The following DNM3 variants were observed in gnomAD, a reference collection of about 807,000 sequenced individuals.
The protein encoded by DNM3 is dynamin-3.
A neutral mutation model predicts 101.6 loss-of-function variants in DNM3; 47 were observed. That is an observed-to-expected ratio of 0.46 (90% CI 0.37 to 0.59). The LOEUF (loss-of-function observed/expected upper bound fraction) is 0.59. Ranked by LOEUF, DNM3 falls within the 20% of genes least tolerant of loss-of-function variation. The pLI is 0.00. For missense variants in DNM3, 849 were observed against 1,085.7 expected, an observed-to-expected ratio of 0.78 and a Z score of 3.06; for synonymous variants, 385 against 387.9, an observed-to-expected ratio of 0.99 and a Z score of 0.09.
At chr1:172,284,452 T>A (rs1454172627) in intron 15 of DNM3, among the ~76,000 whole-genome samples, 1 of 152,176 alleles carries the variant, frequency 6.6e-6, no homozygotes, top group African/African-American at 2.4e-5. Context: ...TTACCATCCT[T>A]TTTTTTCTCT....
At chr1:172,035,859 C>A (rs1391011340) in intron 6 of DNM3, among the ~76,000 whole-genome samples, 1 of 152,058 alleles carries the variant, frequency 6.6e-6, no homozygotes, top group Non-Finnish European at 1.5e-5. Context: ...GGGGGTAATA[C>A]AGTTATAAAC....
intron 17 of DNM3, among the ~76,000 whole-genome samples, chr1:172,355,641 A>G (rs78131837): frequency 0.076 from 11,587 of 152,178 alleles, 502 homozygotes; most frequent in South Asian, 0.15. Context: ...AGTGAACTGG[A>G]AAGAGACGTG....
intron 1 of DNM3, among the ~76,000 whole-genome samples, chr1:171,890,093 A>G (rs1159852850): frequency 6.6e-6 from 1 of 152,206 alleles, no homozygotes; most frequent in Non-Finnish European, 1.5e-5. Context: ...ATCCGCCTTT[A>G]TTCTCCGAAC....
At chr1:172,368,415 T>G (rs1042849468) in intron 17 of DNM3, among the ~76,000 whole-genome samples, 2 of 151,812 alleles carry the variant, frequency 1.3e-5, no homozygotes, top group Non-Finnish European at 2.9e-5. Flanking sequence ...ATTAAAAAAT[T>G]TCTTGAAACA....
At chr1:172,147,415 A>G (rs1339047321) in intron 14 of DNM3, among the ~76,000 whole-genome samples, 1 of 152,172 alleles carries the variant, frequency 6.6e-6, no homozygotes, top group East Asian at 1.9e-4. Flanking sequence ...TTGAGGAACT[A>G]AAGTTATTTA....
chr1:172,275,246 T>A (rs11808940), intron 15 of DNM3, among the ~76,000 whole-genome samples: 105,240 of 151,734 alleles, frequency 0.69, 36,897 homozygotes, highest in Non-Finnish European at 0.74. Context: ...AGATCAAATT[T>A]CCATTAACTA....
chr1:172,324,164 G>T (rs890731321), intron 17 of DNM3, among the ~76,000 whole-genome samples: 6 of 152,100 alleles, frequency 3.9e-5, no homozygotes, highest in Admixed American at 2.6e-4. Context: ...TTAGTTGGGC[G>T]ATTTGTTTTC....
intron 14 of DNM3, among the ~76,000 whole-genome samples, chr1:172,153,530 T>C (rs75190610): frequency 0.038 from 5,811 of 152,204 alleles, 148 homozygotes; most frequent in Middle Eastern, 0.095. Context: ...TTTGCCCTTC[T>C]TCCTCCTCCT....
intron 4 of DNM3, among the ~76,000 whole-genome samples, chr1:172,022,841 G>A (rs2047939646): frequency 6.6e-6 from 1 of 152,010 alleles, no homozygotes; most frequent in South Asian, 2.1e-4. Flanking sequence ...CTATACTTAT[G>A]TATACTCACA....
intron 14 of DNM3, among the ~76,000 whole-genome samples, chr1:172,202,442 T>C (rs947899896): frequency 6.6e-6 from 1 of 152,180 alleles, no homozygotes; most frequent in African/African-American, 2.4e-5. Flanking sequence ...TACTAGATTA[T>C]GTCTTTCAAG....
intron 14 of DNM3, among the ~76,000 whole-genome samples, chr1:172,244,780 T>G (rs1194052029): frequency 6.6e-6 from 1 of 152,148 alleles, no homozygotes. Context: ...GTTCAGCCAT[T>G]GTGGAAGTCA....
intron 14 of DNM3, among the ~76,000 whole-genome samples, chr1:172,200,250 T>C (rs1319809414): frequency 2.0e-5 from 3 of 152,134 alleles, no homozygotes; most frequent in African/African-American, 7.2e-5. Context: ...TCTTCTGGCT[T>C]ATAGGGTTTC....
At chr1:171,852,058 C>T (rs1413477020) in intron 1 of DNM3, among the ~76,000 whole-genome samples, 1 of 152,052 alleles carries the variant, frequency 6.6e-6, no homozygotes. Flanking sequence ...CATTACTATT[C>T]CACTAGGATG....
chr1:172,055,866 G>T (rs959903929), intron 10 of DNM3, among the ~76,000 whole-genome samples: 1 of 152,124 alleles, frequency 6.6e-6, no homozygotes, highest in African/African-American at 2.4e-5. Flanking sequence ...GAACAGCTTC[G>T]GTCTACAGCT....
intron 1 of DNM3, among the ~76,000 whole-genome samples, chr1:171,852,383 G>C (rs1434111576): frequency 6.6e-6 from 1 of 152,176 alleles, no homozygotes; most frequent in Admixed American, 6.6e-5. Context: ...TTAGCAGATG[G>C]ATTTGTCCAT....
intron 15 of DNM3, among the ~76,000 whole-genome samples, chr1:172,264,257 G>C (rs1217366050): frequency 6.6e-6 from 1 of 152,186 alleles, no homozygotes; most frequent in Non-Finnish European, 1.5e-5. Context: ...ATGAGCCCTA[G>C]TGACAAAAAT....
At chr1:171,929,392 G>A (rs1293472169) in intron 2 of DNM3, among the ~76,000 whole-genome samples, 1 of 152,206 alleles carries the variant, frequency 6.6e-6, no homozygotes, top group Non-Finnish European at 1.5e-5. Flanking sequence ...GGACAGCTGT[G>A]CTGTGCTGGG....
intron 14 of DNM3, among the ~76,000 whole-genome samples, chr1:172,204,540 T>C (rs1169863520): frequency 6.6e-6 from 1 of 152,172 alleles, no homozygotes; most frequent in Non-Finnish European, 1.5e-5. Context: ...GGTTTATTTT[T>C]TGCCTTTGCC....
At chr1:171,973,247 G>T (rs1439588606) in intron 2 of DNM3, among the ~76,000 whole-genome samples, 5 of 152,190 alleles carry the variant, frequency 3.3e-5, no homozygotes, top group Non-Finnish European at 7.4e-5. Context: ...CACAGTTAAT[G>T]TGGGGTGGCT....
Sources: allele counts gnomAD v4.1 joint callset (sites outside exome capture counted in the v4.1 genomes callset), GRCh38; gene constraint gnomAD v4.1.1; transcripts MANE v1.5; gene names NCBI Gene and HGNC (gene_info 2026-07-23, HGNC 2026-07-21).